The following PLD5 variants were observed in gnomAD, a reference collection of about 807,000 sequenced individuals.
PLD5 encodes the protein inactive phospholipase D5.
PLD5 carries 36 observed loss-of-function variants against 61.1 expected under a neutral mutation model. That is an observed-to-expected ratio of 0.59 (90% CI 0.45 to 0.78). The LOEUF (loss-of-function observed/expected upper bound fraction) is 0.78. Among genes scored for constraint, PLD5 ranks in the 30% least tolerant of loss-of-function variants. PLD5 has a pLI of 0.00. For synonymous variants in PLD5, 243 were observed against 242.8 expected (o/e 1.00, Z -0.01); for missense variants, 515 against 644.4 (o/e 0.80, Z 2.17).
intron 1 of PLD5, among the ~76,000 whole-genome samples, chr1:242,352,064 A>T (rs1435058243): frequency 3.9e-5 from 6 of 152,198 alleles, no homozygotes; most frequent in Admixed American, 3.3e-4. Flanking sequence ...CATGATGAGA[A>T]CATTGGAGCT....
chr1:242,407,974 T>C (rs1486572753), intron 1 of PLD5, among the ~76,000 whole-genome samples: 3 of 152,232 alleles, frequency 2.0e-5, no homozygotes, highest in Non-Finnish European at 4.4e-5. Context: ...TCTACATCAC[T>C]GCACGTAGCT....
At chr1:242,215,078 C>T (rs7533988) in intron 5 of PLD5, among the ~76,000 whole-genome samples, 29,399 of 143,346 alleles carry the variant, frequency 0.21, 3,218 homozygotes, top group Non-Finnish European at 0.24. Context: ...TTAGTAGAGA[C>T]GGGGTTTCAC....
chr1:242,390,020 A>T (rs79244154), intron 1 of PLD5, among the ~76,000 whole-genome samples: 1,629 of 147,106 alleles, frequency 0.011, 32 homozygotes, highest in African/African-American at 0.034. Flanking sequence ...TAATAATAAT[A>T]ATTATTATTA....
intron 2 of PLD5, among the ~76,000 whole-genome samples, chr1:242,321,338 T>C (rs1253650299): frequency 1.3e-5 from 2 of 152,096 alleles, no homozygotes; most frequent in East Asian, 3.9e-4. Context: ...AGTTTCACTC[T>C]TGTTGCCCAG....
intron 1 of PLD5, among the ~76,000 whole-genome samples, chr1:242,486,435 AT>A (rs1212036660): frequency 9.2e-5 from 14 of 152,268 alleles, no homozygotes; most frequent in African/African-American, 3.4e-4. Context: ...GAAGACATTT[AT>A]GCAGCCAAAA....
chr1:242,210,134 C>G (rs316855), intron 5 of PLD5, among the ~76,000 whole-genome samples: 3,126 of 152,254 alleles, frequency 0.021, 103 homozygotes, highest in African/African-American at 0.072. Context: ...AATGATGAAC[C>G]TCAGTGAGAA....
intron 1 of PLD5, among the ~76,000 whole-genome samples, chr1:242,371,184 A>T (rs10926701): frequency 6.6e-5 from 10 of 151,992 alleles, no homozygotes; most frequent in African/African-American, 7.3e-5. Context: ...ACTAGTGTTC[A>T]GTTTCTCCTT....
chr1:242,252,265 A>C (rs1456046315), intron 4 of PLD5, among the ~76,000 whole-genome samples: 1 of 152,236 alleles, frequency 6.6e-6, no homozygotes, highest in Non-Finnish European at 1.5e-5. Flanking sequence ...TGGCATCTTA[A>C]CTCACACCAG....
chr1:242,304,052 C>T (rs1234083317), intron 2 of PLD5, among the ~76,000 whole-genome samples: 1 of 152,142 alleles, frequency 6.6e-6, no homozygotes, highest in African/African-American at 2.4e-5. Context: ...TGATGCTTAT[C>T]TGGGGTAAAT....
chr1:242,124,431 AG>A, intron 6 of PLD5, 36 bp downstream of exon 6: 1 of 1,578,032 alleles, frequency 6.3e-7, no homozygotes, highest in Non-Finnish European at 8.7e-7. Flanking sequence ...CTTTGGAGGA[AG>A]AAGGAGAAGG....
At chr1:242,231,863 G>A (rs1313238538) in intron 4 of PLD5, among the ~76,000 whole-genome samples, 1 of 150,258 alleles carries the variant, frequency 6.7e-6, no homozygotes, top group African/African-American at 2.5e-5. Flanking sequence ...ACTAATGCAA[G>A]AAGGATGTAT....
intron 5 of PLD5, among the ~76,000 whole-genome samples, chr1:242,206,176 C>T (rs71648692): frequency 0.13 from 19,080 of 152,186 alleles, 1,377 homozygotes; most frequent in South Asian, 0.25. Flanking sequence ...TCCAGCTGTC[C>T]ACTGAACCTC....
chr1:242,112,374 C>A (rs1661599932), intron 7 of PLD5, among the ~76,000 whole-genome samples: 1 of 141,972 alleles, frequency 7.0e-6, no homozygotes, highest in East Asian at 2.0e-4. Context: ...CACTCTGTTG[C>A]CCAGGCTGGA....
chr1:242,408,550 G>A (rs577413377), intron 1 of PLD5, among the ~76,000 whole-genome samples: 4 of 152,206 alleles, frequency 2.6e-5, no homozygotes, highest in East Asian at 1.9e-4. Flanking sequence ...TTGCTCTCTC[G>A]TTCCTGCTCT....
In PLD5 at chr1:242,353,100, T is replaced by C. The variant is rs925998232; in HGVS notation, c.190-4858A>G. On this transcript the variant is annotated intron_variant, in intron 1 of 9. Transcript: ENST00000536534. The stretch of plus-strand genomic sequence containing the variant: ...GTGCTTTCGAGGTGAAATGTAAAAA[T>C]GTTATCATCCAGGCCAATGTCATGT... Among the ~76,000 whole-genome samples, 8 of 152,184 alleles carry C rather than the reference T, an allele frequency of 5.3e-5. No individual in the cohort carries two copies. In the East Asian group the frequency reaches 5.8e-4, roughly 11 times the overall value.
At chr1:242,262,495 C>G (rs1349138062) in intron 4 of PLD5, among the ~76,000 whole-genome samples, 3 of 152,178 alleles carry the variant, frequency 2.0e-5, no homozygotes, top group African/African-American at 7.2e-5. Context: ...TGGGGGAACA[C>G]GTAAGGTGAT....
chr1:242,471,569 T>C (rs1182809039), intron 1 of PLD5, among the ~76,000 whole-genome samples: 1 of 152,186 alleles, frequency 6.6e-6, no homozygotes, highest in African/African-American at 2.4e-5. Context: ...CCATGTTTTA[T>C]TTTATTTTCT....
At chr1:242,333,303 A>G (rs1195394269) in intron 2 of PLD5, among the ~76,000 whole-genome samples, 1 of 152,240 alleles carries the variant, frequency 6.6e-6, no homozygotes, top group Non-Finnish European at 1.5e-5. Flanking sequence ...AATTTGGGCT[A>G]TAAGAAAATG....
At chr1:242,327,520 T>A (rs1189546608) in intron 2 of PLD5, among the ~76,000 whole-genome samples, 2 of 152,154 alleles carry the variant, frequency 1.3e-5, no homozygotes, top group Non-Finnish European at 2.9e-5. Flanking sequence ...TTGTTAACAG[T>A]TTTAAATGAA....
Sources: gnomAD v4.1 joint callset for allele counts (sites outside exome capture counted in the v4.1 genomes callset) on GRCh38, gnomAD v4.1.1 for gene constraint, MANE v1.5 for transcripts, NCBI Gene and HGNC (gene_info 2026-07-23, HGNC 2026-07-21) for gene names.